SNX2: variants seen among roughly 807,000 people sequenced by gnomAD.
SNX2 encodes the protein sorting nexin 2, also known as sorting nexin-2.
In SNX2, 25 loss-of-function variants were observed where a neutral mutation model predicts 69.9. The ratio of observed to expected loss-of-function variants is 0.36; its 90% CI spans 0.26 to 0.50. The LOEUF (loss-of-function observed/expected upper bound fraction) is 0.50. SNX2 is among the 20% of genes least tolerant of loss of function. The pLI is 0.97. For missense variants in SNX2, 551 were observed against 613.3 expected, an observed-to-expected ratio of 0.90 and a Z score of 1.07; for synonymous variants, 229 against 200.4, an observed-to-expected ratio of 1.14 and a Z score of -1.20.
At chr5:122,785,903 T>C (rs377651248) in intron 1 of SNX2, among the ~76,000 whole-genome samples, 2 of 152,192 alleles carry the variant, frequency 1.3e-5, no homozygotes, top group African/African-American at 4.8e-5. Flanking sequence ...TTGGTTGATA[T>C]TTTTCTGTCT....
intron 12 of SNX2, among the ~76,000 whole-genome samples, chr5:122,826,450 T>G (rs1754153853): frequency 1.3e-5 from 2 of 152,142 alleles, no homozygotes; most frequent in South Asian, 4.1e-4. Context: ...TTACACATTT[T>G]TATTAGATGG....
chr5:122,788,729 C>G (rs979017002), intron 1 of SNX2, among the ~76,000 whole-genome samples: 1 of 151,638 alleles, frequency 6.6e-6, no homozygotes, highest in Non-Finnish European at 1.5e-5. Flanking sequence ...TTTTTCAGTT[C>G]TAACATTTTG....
chr5:122,801,605 TAAAAA>T (rs34058769), intron 3 of SNX2, among the ~76,000 whole-genome samples: 3 of 123,698 alleles, frequency 2.4e-5, no homozygotes, highest in Non-Finnish European at 4.9e-5. Context: ...ACTCTATCTT[TAAAAA>T]AAAAAAAAAA....
chr5:122,806,392 T>C (rs886091565), intron 6 of SNX2, among the ~76,000 whole-genome samples: 8 of 152,068 alleles, frequency 5.3e-5, no homozygotes, highest in Non-Finnish European at 7.4e-5. Flanking sequence ...CTTACACTTA[T>C]AGCAGGGAGC....
At chr5:122,814,722 A>G (rs934399990) in intron 7 of SNX2, among the ~76,000 whole-genome samples, 1 of 147,264 alleles carries the variant, frequency 6.8e-6, no homozygotes, top group African/African-American at 2.5e-5. Context: ...ATTACTGCAT[A>G]TGGTTATTAA....
chr5:122,815,328 A>G (rs917003610), intron 7 of SNX2, among the ~76,000 whole-genome samples: 1 of 152,212 alleles, frequency 6.6e-6, no homozygotes, highest in African/African-American at 2.4e-5. Context: ...CTGAATAAAT[A>G]CCTTTGAAGA....
At chr5:122,788,763 GCTTT>G (rs1177188332) in intron 1 of SNX2, among the ~76,000 whole-genome samples, 1 of 151,698 alleles carries the variant, frequency 6.6e-6, no homozygotes, top group African/African-American at 2.4e-5. Flanking sequence ...TTTTGTAGCA[GCTTT>G]CTTTTTTTGC....
chr5:122,804,872 AC>A (rs1468661042), intron 6 of SNX2, among the ~76,000 whole-genome samples: 3 of 151,856 alleles, frequency 2.0e-5, no homozygotes, highest in Non-Finnish European at 4.4e-5. Context: ...TGTATTGTTC[AC>A]AGTTTTAGTA....
chr5:122,791,442 C>T (rs1189169113), intron 1 of SNX2, among the ~76,000 whole-genome samples: 11 of 152,102 alleles, frequency 7.2e-5, no homozygotes, highest in Non-Finnish European at 1.0e-4. Context: ...CCACCACGCC[C>T]GGCTAATTTT....
chr5:122,823,452 A>G (rs898674061), intron 11 of SNX2, among the ~76,000 whole-genome samples: 1 of 152,178 alleles, frequency 6.6e-6, no homozygotes, highest in Admixed American at 6.6e-5. Flanking sequence ...GAATACTATG[A>G]GATAATAAAT....
At chr5:122,806,186 G>A (rs1475136595) in intron 6 of SNX2, among the ~76,000 whole-genome samples, 3 of 121,010 alleles carry the variant, frequency 2.5e-5, no homozygotes, top group Non-Finnish European at 5.3e-5. Flanking sequence ...ATTCCAAAAA[G>A]GATTTCAGGC....
At chr5:122,815,340 G>A (rs980689287) in intron 7 of SNX2, among the ~76,000 whole-genome samples, 10 of 152,288 alleles carry the variant, frequency 6.6e-5, no homozygotes, top group African/African-American at 2.4e-4. Flanking sequence ...CTTTGAAGAG[G>A]TATGGGGAAA....
chr5:122,789,391 C>T (rs1374733518), intron 1 of SNX2, among the ~76,000 whole-genome samples: 1 of 151,818 alleles, frequency 6.6e-6, no homozygotes, highest in Non-Finnish European at 1.5e-5. Flanking sequence ...GGATTTTCCC[C>T]ACATTCTTCA....
intron 3 of SNX2, among the ~76,000 whole-genome samples, chr5:122,800,909 T>G (rs1182384225): frequency 6.6e-6 from 1 of 152,176 alleles, no homozygotes; most frequent in Non-Finnish European, 1.5e-5. Context: ...GAGCTAATGT[T>G]TGGATTGCTT....
chr5:122,809,311 C>T (rs1419540543), intron 7 of SNX2, among the ~76,000 whole-genome samples: 1 of 152,120 alleles, frequency 6.6e-6, no homozygotes, highest in Non-Finnish European at 1.5e-5. Context: ...ACCAGTCCCC[C>T]ACTGGTACTG....
At chr5:122,825,879 A>C (rs1211148438) in intron 11 of SNX2, among the ~76,000 whole-genome samples, 171 bp from the exon 12 acceptor site, 1 of 152,120 alleles carries the variant, frequency 6.6e-6, no homozygotes, top group Non-Finnish European at 1.5e-5. Context: ...AAGCAAATGA[A>C]TATGGAGATT....
At chr5:122,816,798 C>G (rs1019709571) in intron 8 of SNX2, 117 bp from the exon 9 acceptor site, 3 of 499,804 alleles carry the variant, frequency 6.0e-6, no homozygotes, top group Non-Finnish European at 7.0e-6. Context: ...AATACAACCT[C>G]TTTTTTAAAA....
chr5:122,798,207 C>T (rs1753429012), intron 2 of SNX2, among the ~76,000 whole-genome samples: 1 of 151,826 alleles, frequency 6.6e-6, no homozygotes, highest in Admixed American at 6.6e-5. Flanking sequence ...CATTTCTTTA[C>T]AAAAAGAGTA....
At chr5:122,823,779 CGTGT>C (rs10559762) in intron 11 of SNX2, among the ~76,000 whole-genome samples, 6,295 of 145,786 alleles carry the variant, frequency 0.043, 355 homozygotes, top group African/African-American at 0.13. Context: ...AACATGTGGT[CGTGT>C]GTGTGTGTGT....
Sources: allele counts gnomAD v4.1 joint callset (sites outside exome capture counted in the v4.1 genomes callset), GRCh38; gene constraint gnomAD v4.1.1; transcripts MANE v1.5; gene names NCBI Gene and HGNC (gene_info 2026-07-23, HGNC 2026-07-21).